Variants in TENM1 observed in about 807,000 individuals in gnomAD.
TENM1 encodes teneurin transmembrane protein 1.
In TENM1, 35 loss-of-function variants were observed where a neutral mutation model predicts 174.8. The observed-to-expected ratio is 0.20, with a 90% CI of 0.15 to 0.27. The LOEUF is 0.27. Among genes scored for constraint, TENM1 ranks in the 10% least tolerant of loss-of-function variants. TENM1 has a pLI of 1.00. For synonymous variants in TENM1, 781 were observed against 798.7 expected (o/e 0.98, Z 0.37); for missense variants, 1,633 against 2,130.1 (o/e 0.77, Z 4.59).
At position 124,754,846 on chromosome X, in the gene TENM1, T is replaced by C. The variant is rs188279577; in HGVS notation, c.536-17649A>G. Reference sequence around the variant, plus strand: ...GTTCTAGTTTGATTGCATTGTGGTCTGAGAAACAGTTTGTTATAGTTTCTG... The same window carrying C: ...GTTCTAGTTTGATTGCATTGTGGTCCGAGAAACAGTTTGTTATAGTTTCTG... On this transcript the variant is annotated intron_variant, in intron 3 of 31. Transcript: ENST00000422452. Among the ~76,000 whole-genome samples the C allele has an allele frequency of 6.2e-3, 656 of 106,399 alleles. 8 individuals carry two copies. The highest frequency in any genetic ancestry group is 0.022 in the African/African-American group (602 of 27,278). The allele number at this position is 106,399 out of a possible 115,157, so 92.4% of individuals were successfully genotyped here.
At chrX:124,842,645 G>A (rs2056525954) in intron 3 of TENM1, among the ~76,000 whole-genome samples, 1 of 110,767 alleles carries the variant, frequency 9.0e-6, no homozygotes, top group Non-Finnish European at 1.9e-5. Context: ...TATTCACAGG[G>A]TGGAGAGGGA....
the TENM1 span, among the ~76,000 whole-genome samples, chrX:124,969,720 T>C: frequency 2.7e-5 from 3 of 111,615 alleles, no homozygotes; most frequent in Non-Finnish European, 5.6e-5. Context: ...TTTCAATTCC[T>C]ACAGTCTGTC....
rs376426403 is a variant in TENM1, at chrX:124,561,786, T to C, written c.2319A>G (p.Gly773=). 5.8e-4 allele frequency: 704 copies of C among 1,209,286 alleles called. 4 individuals are homozygous for C. The South Asian group carries it at 0.012, about 20-fold the overall frequency. The change falls in exon 14 of 32, where the codon GGA becomes GGG. Residue 773 remains glycine (G), a synonymous_variant. Coordinates refer to ENST00000422452, the Ensembl canonical transcript of TENM1. ...AACCATTTTGATCCAGGGTACATCG[T>C]CCATTTCCAAAGCAGAGCCCTGGGC...
At chrX:124,757,212 C>T (rs2054279040) in intron 3 of TENM1, among the ~76,000 whole-genome samples, 1 of 112,622 alleles carries the variant, frequency 8.9e-6, no homozygotes, top group African/African-American at 3.2e-5. Flanking sequence ...CGCCCCTCCC[C>T]CAGCCTCGCT....
chrX:125,151,548 T>C, the TENM1 span, among the ~76,000 whole-genome samples: 4 of 112,269 alleles, frequency 3.6e-5, no homozygotes, highest in Non-Finnish European at 5.6e-5. Context: ...TAATAGGAAG[T>C]ATATGGAAGG....
chrX:124,574,114 A>T (rs2049113833), intron 11 of TENM1, among the ~76,000 whole-genome samples: 2 of 112,016 alleles, frequency 1.8e-5, no homozygotes, highest in African/African-American at 6.5e-5. Flanking sequence ...AGACACTTTA[A>T]AGTTCTATTG....
chrX:125,078,777 T>C, the TENM1 span, among the ~76,000 whole-genome samples: 4 of 111,840 alleles, frequency 3.6e-5, no homozygotes, highest in South Asian at 1.5e-3. Context: ...GTAGTCTGGC[T>C]GGGGAGATAA....
chrX:125,202,125 A>C, the TENM1 span, among the ~76,000 whole-genome samples: 9 of 111,752 alleles, frequency 8.1e-5, no homozygotes, highest in African/African-American at 2.9e-4. Context: ...CCAGATCAGA[A>C]GACTTCGGAC....
chrX:124,809,771 G>A (rs2055708898), intron 3 of TENM1, among the ~76,000 whole-genome samples: 1 of 108,280 alleles, frequency 9.2e-6, no homozygotes, highest in South Asian at 4.2e-4. Flanking sequence ...CTGCATGGCT[G>A]GGATGGCCTC....
At chrX:125,176,911 G>T in the TENM1 span, among the ~76,000 whole-genome samples, 1 of 111,381 alleles carries the variant, frequency 9.0e-6, no homozygotes, top group African/African-American at 3.3e-5. Context: ...TACTCAGCTG[G>T]CACTCACATT....
At chrX:124,408,211 G>A (rs768499517) in intron 25 of TENM1, among the ~76,000 whole-genome samples, 3 of 110,042 alleles carry the variant, frequency 2.7e-5, no homozygotes, top group East Asian at 2.9e-4. Flanking sequence ...GTGTGATCTC[G>A]GCTCACTGCA....
intron 4 of TENM1, among the ~76,000 whole-genome samples, chrX:124,722,759 G>C (rs991496531): frequency 6.8e-5 from 7 of 102,984 alleles, no homozygotes; most frequent in South Asian, 4.7e-4. Context: ...AGAATGGCTT[G>C]AACCCGGGAG....
At chrX:125,041,039 G>A in the TENM1 span, among the ~76,000 whole-genome samples, 4 of 111,058 alleles carry the variant, frequency 3.6e-5, no homozygotes, top group African/African-American at 6.5e-5. Flanking sequence ...CCAATAATGC[G>A]ACATCCCTAC....
intron 3 of TENM1, among the ~76,000 whole-genome samples, chrX:124,739,108 T>C: frequency 8.9e-6 from 1 of 111,875 alleles, no homozygotes. Flanking sequence ...CACAGCACAG[T>C]GGAAAGAGGA....
At chrX:124,441,067 A>G (rs772843397) in intron 23 of TENM1, among the ~76,000 whole-genome samples, 1 of 112,402 alleles carries the variant, frequency 8.9e-6, no homozygotes, top group South Asian at 3.7e-4. Flanking sequence ...GTGTTTTCTC[A>G]TTTAACTGAC....
rs202013155 is a variant in TENM1, at chrX:124,382,691, A to C, written c.7419T>G (p.Thr2473=). 3.8e-4 allele frequency: 453 copies of C among 1,204,293 alleles called. No individual in the cohort carries two copies. In the South Asian group the frequency reaches 6.2e-3, roughly 16 times the overall value. The change falls in exon 31 of 32, where the codon ACT becomes ACG. Residue 2473 remains threonine (T), a synonymous_variant. Coordinates refer to ENST00000422452, the Ensembl canonical transcript of TENM1. Reference sequence around the variant, plus strand: ...TAACCTTTCCAGGATCCCACTCTTGAGTTTTTGTCTGAAGCCGTAGAAGCT... The same window carrying C: ...TAACCTTTCCAGGATCCCACTCTTGCGTTTTTGTCTGAAGCCGTAGAAGCT...
the TENM1 span, among the ~76,000 whole-genome samples, chrX:125,044,899 C>T: frequency 1.8e-5 from 2 of 111,576 alleles, no homozygotes; most frequent in Admixed American, 9.5e-5. Context: ...TGCCTGAGCA[C>T]GGGGCAGAGA....
At chrX:124,614,538 G>C (rs768217448) in intron 11 of TENM1, among the ~76,000 whole-genome samples, 8 of 112,127 alleles carry the variant, frequency 7.1e-5, no homozygotes, top group Non-Finnish European at 1.1e-4. Context: ...AGAGGAGCCA[G>C]GGTTTATTCA....
the TENM1 span, among the ~76,000 whole-genome samples, chrX:125,078,073 C>G: frequency 2.0e-4 from 22 of 111,533 alleles, no homozygotes; most frequent in African/African-American, 7.2e-4. Flanking sequence ...GATGTGCAGT[C>G]TTGGGTTGGC....
Sources: gnomAD v4.1 joint callset for allele counts (sites outside exome capture counted in the v4.1 genomes callset) on GRCh38, gnomAD v4.1.1 for gene constraint, MANE v1.5 for transcripts, NCBI Gene and HGNC (gene_info 2026-07-23, HGNC 2026-07-21) for gene names.